Variants in TIMM21 observed in about 807,000 individuals in gnomAD.
TIMM21 encodes the protein mitochondrial import inner membrane translocase subunit Tim21.
In TIMM21, 30 loss-of-function variants were observed where a neutral mutation model predicts 27.7. That is an observed-to-expected ratio of 1.08 (90% confidence interval 0.81 to 1.47). The LOEUF is 1.47. Ranked by LOEUF, TIMM21 falls within the 40% of genes most tolerant of loss-of-function variation. The pLI is 0.00. For synonymous variants in TIMM21, 121 were observed against 114.4 expected (o/e 1.06, Z -0.37); for missense variants, 292 against 302.9 (o/e 0.96, Z 0.27).
chr18:74,153,780 T>A (rs1279338694), intron 1 of TIMM21, among the ~76,000 whole-genome samples: 1 of 152,256 alleles, frequency 6.6e-6, no homozygotes, highest in Non-Finnish European at 1.5e-5. Flanking sequence ...AACAATGTTG[T>A]TTATAAACAT....
Position 74,149,011 on chromosome 18 carries a change from A to G in TIMM21, c.203A>G (p.Gln68Arg). 1 of 1,614,214 alleles carries G rather than the reference A, an allele frequency of 6.2e-7. No homozygotes were observed. Among genetic ancestry groups the G allele is most frequent in the Non-Finnish European group, 8.5e-7 (1 of 1,180,034 alleles). ...LGVTQKTIWT[Q>R]GPSPRKAKED... is the part of the protein sequence containing the mutation. ...GTCACCCAGAAAACCATCTGGACGCAGGGACCGAGCCCCCGAAAAGCAAAG... is the reference window on the plus strand; with the variant it reads ...GTCACCCAGAAAACCATCTGGACGCGGGGACCGAGCCCCCGAAAAGCAAAG... The change falls in exon 1 of 6, where the codon CAG (glutamine) becomes CGG (arginine). Residue 68 changes from glutamine to arginine, a missense_variant. Physicochemically the swap from Gln to Arg is conservative, Grantham distance 43. Coordinates refer to ENST00000169551, the MANE Select transcript of TIMM21 (RefSeq NM_014177.3).
At position 74,158,139 on chromosome 18, in the gene TIMM21, G is replaced by T. The variant is rs139591496; in HGVS notation, c.537-32G>T. 1.7e-4 allele frequency: 281 copies of T among 1,613,802 alleles called. No individual in the cohort carries two copies. In the East Asian group the frequency reaches 6.0e-3, roughly 35 times the overall value. On this transcript the variant is annotated intron_variant, in intron 4 of 5. Coordinates refer to ENST00000169551, the MANE Select transcript of TIMM21 (RefSeq NM_014177.3). ...CTCTGGGGAGATTTTTAAATGAAAGGAACTTAGACTGATCTTTCGTTTTCT... is the reference window on the plus strand; with the variant it reads ...CTCTGGGGAGATTTTTAAATGAAAGTAACTTAGACTGATCTTTCGTTTTCT...
intron 1 of TIMM21, among the ~76,000 whole-genome samples, chr18:74,150,142 C>A (rs1979762975): frequency 6.6e-6 from 1 of 152,208 alleles, no homozygotes; most frequent in South Asian, 2.1e-4. Flanking sequence ...GTTGGACCCA[C>A]CTCTCACACT....
intron 1 of TIMM21, among the ~76,000 whole-genome samples, chr18:74,149,572 C>T (rs1191613307): frequency 6.6e-6 from 1 of 151,292 alleles, no homozygotes; most frequent in Non-Finnish European, 1.5e-5. Context: ...GTCTTCATTT[C>T]GCATGTGATT....
chr18:74,155,073 G>T, intron 1 of TIMM21, 72 bp from the exon 2 acceptor site: 1 of 1,474,020 alleles, frequency 6.8e-7, no homozygotes, highest in East Asian at 2.3e-5. Flanking sequence ...CTCGCAAGAA[G>T]TGCAAAAGCA....
At chr18:74,154,238 C>T (rs1398806206) in intron 1 of TIMM21, among the ~76,000 whole-genome samples, 2 of 151,900 alleles carry the variant, frequency 1.3e-5, no homozygotes, top group African/African-American at 4.8e-5. Flanking sequence ...TATAGCTATA[C>T]ATATGTATAT....
In TIMM21 at chr18:74,155,418, T is replaced by C. The variant is rs187799098; in HGVS notation, c.462+15T>C. ...CACATCCTGAGGTTAGTTCTCAAGA[T>C]TGAGTTACATGAACTCTGATGAGGG... On this transcript the variant is annotated intron_variant, in intron 3 of 5. Coordinates refer to ENST00000169551, the MANE Select transcript of TIMM21 (RefSeq NM_014177.3). 9.8e-4 allele frequency: 1,555 copies of C among 1,592,994 alleles called. 2 individuals are homozygous for C. Among genetic ancestry groups the C allele is most frequent in the Middle Eastern group, 3.1e-3 (18 of 5,842 alleles).
At chr18:74,154,867 C>T (rs1329381506) in intron 1 of TIMM21, among the ~76,000 whole-genome samples, 1 of 152,234 alleles carries the variant, frequency 6.6e-6, no homozygotes, top group Non-Finnish European at 1.5e-5. Context: ...TCTTCCTAAT[C>T]TGGGAGTGTT....
chr18:74,155,234 CTTGAATATTT>C (rs1568191678), intron 2 of TIMM21, 27 bp downstream of exon 2: 6 of 1,613,596 alleles, frequency 3.7e-6, no homozygotes, highest in Non-Finnish European at 5.1e-6. Flanking sequence ...AGTATAAGCC[CTTGAATATTT>C]TTTAAACTGG....
chr18:74,158,005 G>A lies in TIMM21; in HGVS notation c.463-9G>A, dbSNP rs754600868. 1.2e-6 allele frequency: 2 copies of A among 1,613,894 alleles called. No individual in the cohort carries two copies. Among genetic ancestry groups the A allele is most frequent in the African/African-American group, 2.7e-5 (2 of 74,932 alleles). On this transcript the variant is annotated splice_polypyrimidine_tract_variant and intron_variant, in intron 3 of 5. Coordinates refer to ENST00000169551, the MANE Select transcript of TIMM21 (RefSeq NM_014177.3). Reference sequence around the variant, plus strand: ...TAACACAAAATAAAGCACTGTCCTTGTTCTGCAGGTGATCGGTGTCTTTGG... The same window carrying A: ...TAACACAAAATAAAGCACTGTCCTTATTCTGCAGGTGATCGGTGTCTTTGG...
In TIMM21 at chr18:74,160,004, A is replaced by T. The variant is rs1053181865; in HGVS notation, c.*1524A>T. The T allele has an allele frequency of 2.0e-5, 3 of 152,158 alleles. No individual in the cohort carries two copies. The highest frequency in any genetic ancestry group is 4.4e-5 in the Non-Finnish European group (3 of 68,062). 9.4% of individuals were successfully genotyped at this position (152,158 alleles called of 1,614,324 possible). A position where few individuals can be genotyped will look rare whatever the true frequency, so the allele number is the denominator to read the frequency against. On this transcript the variant is annotated 3_prime_UTR_variant, in exon 6 of 6. Transcript: ENST00000169551. ...ATTTTTATGCACCTGCCATTTTACAATATGCTCATGCCCCTTTAAGATCTG... is the reference window on the plus strand; with the variant it reads ...ATTTTTATGCACCTGCCATTTTACATTATGCTCATGCCCCTTTAAGATCTG...
Position 74,159,611 on chromosome 18 carries a change from C to T in TIMM21, c.*1131C>T, listed in dbSNP as rs1980050444. On this transcript the variant is annotated 3_prime_UTR_variant, in exon 6 of 6. Coordinates refer to ENST00000169551, the MANE Select transcript of TIMM21 (RefSeq NM_014177.3). ...TAATTTAGTTAGTTTCTTGGTTTGA[C>T]TGCTTGTTTTAGATGTTTTTAATTA... The T allele has an allele frequency of 6.6e-6, 1 of 152,138 alleles. No individual in the cohort carries two copies. Among genetic ancestry groups the T allele is most frequent in the Non-Finnish European group, 1.5e-5 (1 of 68,024 alleles). The allele number at this position is 152,138 out of a possible 1,614,324, so 9.4% of individuals were successfully genotyped here. A position where few individuals can be genotyped will look rare whatever the true frequency, so the allele number is the denominator to read the frequency against.
At chr18:74,154,853 G>C (rs1979906526) in intron 1 of TIMM21, among the ~76,000 whole-genome samples, 1 of 152,202 alleles carries the variant, frequency 6.6e-6, no homozygotes. Flanking sequence ...ACAAAAGCCA[G>C]CACTCTTCCT....
In TIMM21 at chr18:74,151,947, C is replaced by G. The variant is rs553390725; in HGVS notation, c.301+2838C>G. Among the ~76,000 whole-genome samples the G allele has an allele frequency of 6.5e-4, 96 of 147,390 alleles. 2 individuals carry two copies. Among genetic ancestry groups the G allele is most frequent in the South Asian group, 1.1e-3 (5 of 4,652 alleles). ...CAGTGGTGTCTATGTTCCCCCCCCCCCCGGGGGGACCTCCAGCTCCTTCCG... is the reference window on the plus strand; with the variant it reads ...CAGTGGTGTCTATGTTCCCCCCCCCGCCGGGGGGACCTCCAGCTCCTTCCG... On this transcript the variant is annotated intron_variant, in intron 1 of 5. Transcript: ENST00000169551.
chr18:74,151,057 A>G (rs1304906113), intron 1 of TIMM21, among the ~76,000 whole-genome samples: 1 of 152,124 alleles, frequency 6.6e-6, no homozygotes, highest in South Asian at 2.1e-4. Flanking sequence ...AAGTCCCTGG[A>G]CCCACCTGTG....
chr18:74,159,530 C>G lies in TIMM21; in HGVS notation c.*1050C>G, dbSNP rs1354969430. 1 of 152,106 alleles carries G rather than the reference C, an allele frequency of 6.6e-6. No homozygotes were observed. Among genetic ancestry groups the G allele is most frequent in the African/African-American group, 2.4e-5 (1 of 41,510 alleles). The allele number at this position is 152,106 out of a possible 1,614,324, so 9.4% of individuals were successfully genotyped here. ...TGTGTTCTTGAAATTTTGGGATATTCAGGATAGAGAGACCTCCAGGCAATC... is the reference window on the plus strand; with the variant it reads ...TGTGTTCTTGAAATTTTGGGATATTGAGGATAGAGAGACCTCCAGGCAATC... On this transcript the variant is annotated 3_prime_UTR_variant, in exon 6 of 6. Coordinates refer to ENST00000169551, the MANE Select transcript of TIMM21 (RefSeq NM_014177.3).
intron 1 of TIMM21, among the ~76,000 whole-genome samples, chr18:74,151,684 G>A (rs1290353369): frequency 6.6e-6 from 1 of 152,156 alleles, no homozygotes; most frequent in Non-Finnish European, 1.5e-5. Context: ...ATCTATGGTA[G>A]CATCCCCATT....
chr18:74,159,445 G>T lies in TIMM21; in HGVS notation c.*965G>T, dbSNP rs1360730977. Reference sequence around the variant, plus strand: ...TTATCTGCGGTGGCTTCAGTGTGAGGTATCCCCTCTGATGTGTTTGTTCCT... The same window carrying T: ...TTATCTGCGGTGGCTTCAGTGTGAGTTATCCCCTCTGATGTGTTTGTTCCT... On this transcript the variant is annotated 3_prime_UTR_variant, in exon 6 of 6. Coordinates refer to ENST00000169551, the MANE Select transcript of TIMM21 (RefSeq NM_014177.3). 6.6e-6 allele frequency: 1 copy of T among 151,882 alleles called. No individual in the cohort carries two copies. Among genetic ancestry groups the T allele is most frequent in the Non-Finnish European group, 1.5e-5 (1 of 67,990 alleles). The allele number at this position is 151,882 out of a possible 1,614,324, so 9.4% of individuals were successfully genotyped here.
At position 74,158,677 on chromosome 18, in the gene TIMM21, CT is replaced by C. The variant is rs1416629566; in HGVS notation, c.*198del. Reference sequence around the variant, plus strand: ...TATGAAATACAGCATATTTTATGTTCTCCCATTGACTCAATCATGACAATAT... The same window carrying C: ...TATGAAATACAGCATATTTTATGTTCCCCATTGACTCAATCATGACAATAT... On this transcript the variant is annotated 3_prime_UTR_variant, in exon 6 of 6. Coordinates refer to ENST00000169551, the MANE Select transcript of TIMM21 (RefSeq NM_014177.3). The C allele has an allele frequency of 6.2e-6, 3 of 485,938 alleles. No individual in the cohort carries two copies. Among genetic ancestry groups the C allele is most frequent in the African/African-American group, 5.9e-5 (3 of 50,422 alleles). 30.1% of individuals were successfully genotyped at this position (485,938 alleles called of 1,614,324 possible).
Sources: allele counts gnomAD v4.1 joint callset (sites outside exome capture counted in the v4.1 genomes callset), GRCh38; gene constraint gnomAD v4.1.1; transcripts MANE v1.5; gene names NCBI Gene and HGNC (gene_info 2026-07-23, HGNC 2026-07-21).